STK33: variants seen among roughly 807,000 people sequenced by gnomAD.
STK33 encodes serine/threonine kinase 33.
A neutral mutation model predicts 58.0 loss-of-function variants in STK33; 52 were observed. That is an observed-to-expected ratio of 0.90 (90% CI 0.72 to 1.13). The LOEUF (loss-of-function observed/expected upper bound fraction) is 1.13, where lower values mean the gene tolerates loss of function less well. STK33 is among the 50% of genes most tolerant of loss of function. The pLI is 0.00. For missense variants in STK33, 630 were observed against 604.2 expected, an observed-to-expected ratio of 1.04 and a Z score of -0.45; for synonymous variants, 215 against 200.1, an observed-to-expected ratio of 1.07 and a Z score of -0.63.
chr11:8,437,739 G>C (rs1408366489), intron 12 of STK33, among the ~76,000 whole-genome samples: 1 of 152,072 alleles, frequency 6.6e-6, no homozygotes, highest in East Asian at 1.9e-4. Context: ...TGATTATGAT[G>C]ACTTTTGTGG....
the STK33 span, among the ~76,000 whole-genome samples, chr11:8,379,130 T>A: frequency 6.6e-6 from 1 of 152,160 alleles, no homozygotes; most frequent in Admixed American, 6.5e-5. Context: ...TCTCACCTTA[T>A]ATAAAAATCA....
chr11:8,429,207 T>C (rs1167626489), intron 14 of STK33, among the ~76,000 whole-genome samples: 8 of 152,224 alleles, frequency 5.3e-5, no homozygotes, highest in Non-Finnish European at 1.2e-4. Flanking sequence ...GCTTTATTTT[T>C]AATTACAAAT....
At chr11:8,353,045 T>G in the STK33 span, among the ~76,000 whole-genome samples, 1 of 152,166 alleles carries the variant, frequency 6.6e-6, no homozygotes, top group Non-Finnish European at 1.5e-5. Flanking sequence ...CTTGAGGTCC[T>G]CAGCAGGGTC....
At chr11:8,462,277 C>A (rs759824058) in intron 7 of STK33, among the ~76,000 whole-genome samples, 3 of 151,510 alleles carry the variant, frequency 2.0e-5, no homozygotes, top group Non-Finnish European at 4.4e-5. Context: ...ATATGTTGAT[C>A]CCTTGATGTT....
At chr11:8,393,086 A>G (rs955163426) in intron 15 of STK33, among the ~76,000 whole-genome samples, 6 of 152,176 alleles carry the variant, frequency 3.9e-5, no homozygotes, top group Admixed American at 2.0e-4. Context: ...GATAAGTACA[A>G]TATAATTATT....
In STK33 at chr11:8,479,185, C is replaced by T. The variant is rs1489797750; in HGVS notation, c.-261+1225G>A. On this transcript the variant is annotated intron_variant, in intron 2 of 15. Coordinates refer to ENST00000687296, the MANE Select transcript of STK33 (RefSeq NM_001352389.2). ...ATCCCAGCACTTTGGCAGGCTGAGG[C>T]GGGTGGATCACAAGGTCAGATCGAG... Among the ~76,000 whole-genome samples the T allele has an allele frequency of 5.3e-5, 8 of 152,086 alleles. No individual in the cohort carries two copies. The South Asian group carries it at 6.2e-4, about 12-fold the overall frequency.
intron 1 of STK33, among the ~76,000 whole-genome samples, chr11:8,509,240 C>A (rs1378560298): frequency 6.6e-6 from 1 of 151,318 alleles, no homozygotes; most frequent in African/African-American, 2.4e-5. Context: ...TAAATCCTAT[C>A]TTTTTGGGGT....
chr11:8,523,729 C>T (rs1294742904), intron 1 of STK33, among the ~76,000 whole-genome samples: 1 of 151,212 alleles, frequency 6.6e-6, no homozygotes, highest in African/African-American at 2.4e-5. Flanking sequence ...GCCACCGCCC[C>T]GTCTGGGAGG....
chr11:8,388,598 G>T (rs1489367988), downstream of STK33, among the ~76,000 whole-genome samples: 1 of 152,164 alleles, frequency 6.6e-6, no homozygotes, highest in Non-Finnish European at 1.5e-5. Context: ...TGCTTGTAGA[G>T]ATGAAGCGAA....
At chr11:8,474,448 C>T (rs943516547) in intron 5 of STK33, among the ~76,000 whole-genome samples, 3 of 152,076 alleles carry the variant, frequency 2.0e-5, no homozygotes, top group Non-Finnish European at 4.4e-5. Context: ...GTTGGTATAA[C>T]GTGTTTAATT....
At chr11:8,356,068 G>A in the STK33 span, among the ~76,000 whole-genome samples, 7 of 152,224 alleles carry the variant, frequency 4.6e-5, no homozygotes, top group Non-Finnish European at 1.0e-4. Flanking sequence ...GGGGTGCAGG[G>A]GTGGGGAGCT....
chr11:8,578,002 C>T (rs1238234972), intron 1 of STK33, among the ~76,000 whole-genome samples: 1 of 152,086 alleles, frequency 6.6e-6, no homozygotes, highest in African/African-American at 2.4e-5. Context: ...ATGAAAGTTT[C>T]ACTCTGGTGA....
intron 1 of STK33, among the ~76,000 whole-genome samples, chr11:8,504,920 C>A (rs551423257): frequency 2.6e-5 from 4 of 152,154 alleles, no homozygotes; most frequent in Non-Finnish European, 5.9e-5. Flanking sequence ...TGCAATCTTG[C>A]GGTTCTTTGT....
chr11:8,565,981 A>C (rs1445986165), intron 1 of STK33: 1 of 152,192 alleles, frequency 6.6e-6, no homozygotes, highest in East Asian at 1.9e-4. Context: ...TCTGAAGTCA[A>C]GTCAGATTGT....
the STK33 span, among the ~76,000 whole-genome samples, chr11:8,338,232 C>G: frequency 6.6e-6 from 1 of 152,188 alleles, no homozygotes; most frequent in Admixed American, 6.5e-5. Flanking sequence ...ATCCAGGCAC[C>G]AGCCTCCAGA....
intron 14 of STK33, among the ~76,000 whole-genome samples, chr11:8,421,422 C>G (rs763156371): frequency 1.3e-5 from 2 of 152,144 alleles, no homozygotes; most frequent in African/African-American, 4.8e-5. Flanking sequence ...ATCTTCCATA[C>G]GACGACTGTC....
intron 1 of STK33, among the ~76,000 whole-genome samples, chr11:8,577,299 T>C (rs1958257976): frequency 6.6e-6 from 1 of 152,158 alleles, no homozygotes; most frequent in Non-Finnish European, 1.5e-5. Flanking sequence ...TCATTAACTA[T>C]GGATTCTAAG....
chr11:8,456,671 A>C (rs539731379), intron 9 of STK33, among the ~76,000 whole-genome samples: 1 of 152,308 alleles, frequency 6.6e-6, no homozygotes, highest in African/African-American at 2.4e-5. Flanking sequence ...AAACGGGGGG[A>C]GGAGCAGCAG....
At chr11:8,529,369 A>T (rs1001277061) in intron 1 of STK33, among the ~76,000 whole-genome samples, 4 of 152,064 alleles carry the variant, frequency 2.6e-5, no homozygotes, top group Non-Finnish European at 4.4e-5. Flanking sequence ...TGTAAGACAA[A>T]TTTTTCTCTG....
Sources: gnomAD v4.1 joint callset for allele counts (sites outside exome capture counted in the v4.1 genomes callset) on GRCh38, gnomAD v4.1.1 for gene constraint, MANE v1.5 for transcripts, NCBI Gene and HGNC (gene_info 2026-07-23, HGNC 2026-07-21) for gene names.